The following CEP63 variants were observed in gnomAD, a reference collection of about 807,000 sequenced individuals.
CEP63 encodes the protein centrosomal protein of 63 kDa.
In CEP63, 84 loss-of-function variants were observed where a neutral mutation model predicts 89.1. The ratio of observed to expected loss-of-function variants is 0.94; its 90% CI spans 0.79 to 1.13. CEP63 has a LOEUF of 1.13. Among genes scored for constraint, CEP63 ranks in the 50% most tolerant of loss-of-function variants. The pLI, the probability that CEP63 is intolerant of heterozygous loss-of-function variation, is 0.00. For synonymous variants in CEP63, 267 were observed against 272.5 expected, an observed-to-expected ratio of 0.98 and a Z score of 0.20; for missense variants, 838 against 813.3, an observed-to-expected ratio of 1.03 and a Z score of -0.37.
At chr3:134,671,700 A>G in the CEP63 span, among the ~76,000 whole-genome samples, 2 of 152,210 alleles carry the variant, frequency 1.3e-5, no homozygotes, top group African/African-American at 4.8e-5. Context: ...AAGCTGCAGG[A>G]GTGTCTGCTG....
chr3:134,626,253 G>A, the CEP63 span, among the ~76,000 whole-genome samples: 1 of 152,222 alleles, frequency 6.6e-6, no homozygotes, highest in Non-Finnish European at 1.5e-5. Context: ...GGGCAAGTGA[G>A]GTGTGCTGGA....
At chr3:134,578,965 C>T (rs550625046), downstream of CEP63, among the ~76,000 whole-genome samples, 1 of 152,222 alleles carries the variant, frequency 6.6e-6, no homozygotes, top group East Asian at 1.9e-4. Flanking sequence ...ACCATGTTGG[C>T]TAGGCTGGTC....
chr3:134,506,044 A>G (rs1322700392), intron 2 of CEP63, among the ~76,000 whole-genome samples: 1 of 152,118 alleles, frequency 6.6e-6, no homozygotes, highest in South Asian at 2.1e-4. Flanking sequence ...CCTACATCCT[A>G]TCTTGAGTTT....
chr3:134,594,076 TCTC>T, the CEP63 span, among the ~76,000 whole-genome samples: 1 of 152,224 alleles, frequency 6.6e-6, no homozygotes, highest in African/African-American at 2.4e-5. Flanking sequence ...AATTTCCAGA[TCTC>T]CTTGGTGTTC....
At chr3:134,685,624 C>G in the CEP63 span, among the ~76,000 whole-genome samples, 1 of 152,222 alleles carries the variant, frequency 6.6e-6, no homozygotes. Context: ...ACAGATGATG[C>G]CACCCTTTTC....
At chr3:134,659,908 A>G in the CEP63 span, among the ~76,000 whole-genome samples, 1 of 152,228 alleles carries the variant, frequency 6.6e-6, no homozygotes, top group South Asian at 2.1e-4. Context: ...TGCAGACTCC[A>G]GCCTTGCCTG....
chr3:134,734,658 C>T, the CEP63 span, among the ~76,000 whole-genome samples: 1 of 152,088 alleles, frequency 6.6e-6, no homozygotes, highest in African/African-American at 2.4e-5. Flanking sequence ...AATACTGACA[C>T]AAGAAGAAAC....
the CEP63 span, chr3:134,615,524 A>G: frequency 6.6e-5 from 10 of 151,474 alleles, no homozygotes; most frequent in Admixed American, 6.6e-4. Context: ...CATGTGCACA[A>G]TGTTGCACCA....
the CEP63 span, among the ~76,000 whole-genome samples, chr3:134,700,879 C>T: frequency 6.6e-5 from 10 of 152,262 alleles, no homozygotes; most frequent in East Asian, 1.7e-3. Context: ...GGCTCCCCTC[C>T]CATCAGAGGT....
rs1307348580 is a variant in CEP63 at position 134,564,423 on chromosome 3, G to C, written c.*2888G>C. On this transcript the variant is annotated 3_prime_UTR_variant, in exon 15 of 15. Transcript: ENST00000675561. ...TATCCCCTGACCCATGTCAGGGAAC[G>C]TTTCTCCTCATTGCTGTCATGGCAC... 1.0e-6 allele frequency: 1 copy of C among 985,278 alleles called. No homozygotes were observed. The highest frequency in any genetic ancestry group is 1.7e-5 in the African/African-American group (1 of 57,206). 61.0% of individuals were successfully genotyped at this position (985,278 alleles called of 1,614,324 possible).
chr3:134,776,036 C>G, the CEP63 span, among the ~76,000 whole-genome samples: 1 of 152,354 alleles, frequency 6.6e-6, no homozygotes, highest in South Asian at 2.1e-4. Flanking sequence ...CCTCCCCACC[C>G]GGTAGTCTGT....
intron 3 of CEP63, chr3:134,510,673 C>T (rs926310525): frequency 3.3e-6 from 2 of 613,564 alleles, no homozygotes; most frequent in Non-Finnish European, 6.1e-6. Context: ...TTCTGGAGCC[C>T]AGGCTTGTCT....
intron 6 of CEP63, among the ~76,000 whole-genome samples, chr3:134,537,655 C>G (rs1456635274): frequency 6.6e-6 from 1 of 152,168 alleles, no homozygotes; most frequent in Non-Finnish European, 1.5e-5. Flanking sequence ...TCTTTCTTCC[C>G]TACCACAGTC....
intron 12 of CEP63, 99 bp downstream of exon 12, chr3:134,552,111 GA>G (rs1955012584): frequency 1.5e-6 from 1 of 673,728 alleles, no homozygotes; most frequent in African/African-American, 1.8e-5. Flanking sequence ...GATCAACTTA[GA>G]TCCTTTTGCA....
chr3:134,652,655 C>T, the CEP63 span, among the ~76,000 whole-genome samples: 1 of 144,278 alleles, frequency 6.9e-6, no homozygotes, highest in Non-Finnish European at 1.6e-5. Context: ...CACACACACA[C>T]ACGCGCGCGC....
intron 3 of CEP63, among the ~76,000 whole-genome samples, chr3:134,517,073 C>A (rs1277153260): frequency 5.3e-5 from 8 of 152,156 alleles, no homozygotes; most frequent in Admixed American, 5.2e-4. Context: ...AGTGGATTCC[C>A]AGTGGAATTC....
At chr3:134,578,640 T>C (rs961616440), downstream of CEP63, among the ~76,000 whole-genome samples, 13 of 152,132 alleles carry the variant, frequency 8.5e-5, no homozygotes, top group African/African-American at 3.1e-4. Flanking sequence ...CTCACTGTGA[T>C]TGATTTGCAT....
chr3:134,701,449 T>TAC, the CEP63 span, among the ~76,000 whole-genome samples: 1 of 85,466 alleles, frequency 1.2e-5, no homozygotes, highest in Non-Finnish European at 2.5e-5. Context: ...TATACATATA[T>TAC]ATGTGTATAT....
chr3:134,780,209 T>A, the CEP63 span, among the ~76,000 whole-genome samples: 2 of 152,264 alleles, frequency 1.3e-5, no homozygotes, highest in East Asian at 3.8e-4. Flanking sequence ...TACTTGTATC[T>A]GAAATGTCTG....
Sources: allele counts gnomAD v4.1 joint callset (sites outside exome capture counted in the v4.1 genomes callset), GRCh38; gene constraint gnomAD v4.1.1; transcripts MANE v1.5; gene names NCBI Gene and HGNC (gene_info 2026-07-23, HGNC 2026-07-21).